The following MYO6 variants were observed in gnomAD, a reference collection of about 807,000 sequenced individuals.
The protein encoded by MYO6 is myosin VI.
Under a neutral mutation model 178.7 loss-of-function variants are expected in MYO6, and 74 were observed. The observed-to-expected ratio is 0.41, with a 90% CI of 0.34 to 0.50. The LOEUF (loss-of-function observed/expected upper bound fraction) is 0.50. MYO6 is among the 20% of genes least tolerant of loss of function. The pLI is 0.09. For missense variants in MYO6, 1,330 were observed against 1,547.4 expected, an observed-to-expected ratio of 0.86 and a Z score of 2.36; for synonymous variants, 477 against 504.6, an observed-to-expected ratio of 0.95 and a Z score of 0.73.
rs1344975551 is a variant in MYO6 at position 75,881,661 on chromosome 6, A to G, written c.2287-28A>G. ...TGTTCAAATGCATTTATATTTTAAT[A>G]CTGATACTAAATTATTTCACTTCCT... On this transcript the variant is annotated intron_variant, in intron 22 of 34. Transcript: ENST00000369977. 3 of 1,603,950 alleles carry G rather than the reference A, an allele frequency of 1.9e-6. No individual in the cohort carries two copies. The African/African-American group carries it at 4.0e-5, about 21-fold the overall frequency.
At chr6:75,756,056 T>G (rs1777319137) in intron 1 of MYO6, among the ~76,000 whole-genome samples, 1 of 152,200 alleles carries the variant, frequency 6.6e-6, no homozygotes, top group African/African-American at 2.4e-5. Context: ...ATAAGTATGT[T>G]CCATCATTTA....
chr6:75,827,216 A>G (rs1339278353), intron 3 of MYO6, among the ~76,000 whole-genome samples: 2 of 152,042 alleles, frequency 1.3e-5, no homozygotes, highest in Admixed American at 6.6e-5. Flanking sequence ...AAGAAATTGC[A>G]AAGATAGTAG....
At chr6:75,898,251 A>AGTT (rs140090477) in intron 29 of MYO6, 122 bp from the exon 30 acceptor site, 50 of 628,720 alleles carry the variant, frequency 8.0e-5, no homozygotes, top group African/African-American at 7.0e-4. Context: ...AAAGTAAAAC[A>AGTT]GTTATGAACA....
chr6:75,800,377 AGT>A (rs1350860377), intron 1 of MYO6, among the ~76,000 whole-genome samples: 1 of 152,236 alleles, frequency 6.6e-6, no homozygotes, highest in Admixed American at 6.5e-5. Context: ...TTCAGTTACA[AGT>A]GGATGTCCTT....
In MYO6 at chr6:75,895,258, A is replaced by G; in HGVS notation, c.3135A>G (p.Thr1045=). The G allele has an allele frequency of 6.2e-7, 1 of 1,605,930 alleles. No homozygotes were observed. Among genetic ancestry groups the G allele is most frequent in the Non-Finnish European group, 8.5e-7 (1 of 1,173,442 alleles). ...ATGATGGAACAAGACCCAAAATGAC[A>G]CCGTATGTCACTTACCTTTACCTTT... is the stretch of plus-strand genomic sequence containing the variant. The part of the protein sequence containing the change: ...RRNDGTRPKM[T]PEQMAKEMSE... The change falls in exon 29 of 35, where the codon ACA becomes ACG. Residue 1045 remains threonine, a splice_region_variant and synonymous_variant. Transcript: ENST00000369977.
chr6:75,802,492 T>C (rs1398837276), intron 1 of MYO6, among the ~76,000 whole-genome samples: 1 of 149,898 alleles, frequency 6.7e-6, no homozygotes, highest in Non-Finnish European at 1.5e-5. Context: ...TTTTTTTTTT[T>C]TTTTTTAATG....
intron 1 of MYO6, among the ~76,000 whole-genome samples, chr6:75,760,878 T>C (rs1276917295): frequency 1.3e-5 from 2 of 152,184 alleles, no homozygotes; most frequent in Non-Finnish European, 2.9e-5. Flanking sequence ...AGTTTTTCCA[T>C]GTTGTATTCT....
intron 1 of MYO6, among the ~76,000 whole-genome samples, chr6:75,758,786 G>A (rs776149227): frequency 6.6e-6 from 1 of 151,948 alleles, no homozygotes; most frequent in Non-Finnish European, 1.5e-5. Flanking sequence ...AGCTTCATTC[G>A]GAGGTGATTA....
Position 75,892,574 on chromosome 6 carries a change from C to A in MYO6, c.2991C>A (p.Ser997=), listed in dbSNP as rs1778982609. ...AQLARQKEEE[S]QQQAVLEQER... is the part of the protein sequence containing the mutation. ...TGGCCCGACAGAAGGAGGAGGAATCCCAACAGCAAGCAGTTCTGGAGCAGG... is the reference window on the plus strand; with the variant it reads ...TGGCCCGACAGAAGGAGGAGGAATCACAACAGCAAGCAGTTCTGGAGCAGG... Residue 997 remains serine (S), a synonymous_variant, in exon 28 of 35, where the codon TCC becomes TCA. Coordinates refer to ENST00000369977, the MANE Select transcript of MYO6 (RefSeq NM_004999.4). The A allele has an allele frequency of 6.2e-7, 1 of 1,613,718 alleles. No individual in the cohort carries two copies. The highest frequency in any genetic ancestry group is 1.7e-5 in the Admixed American group (1 of 59,996).
chr6:75,758,556 G>A (rs1248853182), intron 1 of MYO6, among the ~76,000 whole-genome samples: 1 of 151,940 alleles, frequency 6.6e-6, no homozygotes. Flanking sequence ...CGCCTCCTGG[G>A]TTCACGCCAT....
intron 10 of MYO6, among the ~76,000 whole-genome samples, chr6:75,846,842 A>C (rs1774778796): frequency 6.6e-6 from 1 of 152,064 alleles, no homozygotes; most frequent in African/African-American, 2.4e-5. Context: ...AAAGAAGAAA[A>C]TTGCCCTCTT....
At chr6:75,865,570 G>A (rs1776595342) in intron 16 of MYO6, among the ~76,000 whole-genome samples, 1 of 151,548 alleles carries the variant, frequency 6.6e-6, no homozygotes, top group Admixed American at 6.6e-5. Flanking sequence ...TTGCCATGTT[G>A]CTCAGGCTGG....
At chr6:75,901,051 T>C (rs1581959093) in intron 30 of MYO6, among the ~76,000 whole-genome samples, 2 of 152,122 alleles carry the variant, frequency 1.3e-5, no homozygotes, top group Non-Finnish European at 2.9e-5. Flanking sequence ...TGTAGATATA[T>C]GGCGTTATTT....
chr6:75,877,005 G>A (rs142911154), intron 20 of MYO6, among the ~76,000 whole-genome samples: 1 of 150,954 alleles, frequency 6.6e-6, no homozygotes, highest in East Asian at 2.0e-4. Flanking sequence ...ACGGAGTTTC[G>A]CTCTTGTTGC....
intron 1 of MYO6, among the ~76,000 whole-genome samples, chr6:75,757,972 CTTTTTTTTTT>C (rs71002761): frequency 1.3e-5 from 1 of 74,298 alleles, no homozygotes; most frequent in South Asian, 6.4e-4. Context: ...TTGAAGTTGG[CTTTTTTTTTT>C]TTTTTTTTTT....
chr6:75,836,108 A>G, intron 7 of MYO6, 152 bp downstream of exon 7: 2 of 702,270 alleles, frequency 2.8e-6, no homozygotes, highest in Non-Finnish European at 2.6e-6. Flanking sequence ...TTTACCTAAT[A>G]TCAATTGTTT....
chr6:75,858,053 G>A (rs1224023146), intron 13 of MYO6, among the ~76,000 whole-genome samples: 2 of 147,064 alleles, frequency 1.4e-5, no homozygotes, highest in Middle Eastern at 3.2e-3. Context: ...TTGTTCAAAG[G>A]TAGAGAATTA....
chr6:75,856,968 C>A, intron 12 of MYO6, 129 bp from the exon 13 acceptor site: 1 of 789,548 alleles, frequency 1.3e-6, no homozygotes, highest in Non-Finnish European at 2.1e-6. Flanking sequence ...TTTATCTGTG[C>A]CTATTCTCAC....
intron 30 of MYO6, among the ~76,000 whole-genome samples, chr6:75,904,520 C>T (rs529932054): frequency 1.1e-3 from 170 of 152,212 alleles, no homozygotes; most frequent in African/African-American, 3.8e-3. Context: ...TTGATCGCAT[C>T]GGCTCCTGAG....
Sources: gnomAD v4.1 joint callset for allele counts (sites outside exome capture counted in the v4.1 genomes callset) on GRCh38, gnomAD v4.1.1 for gene constraint, MANE v1.5 for transcripts, NCBI Gene and HGNC (gene_info 2026-07-23, HGNC 2026-07-21) for gene names.